DGLUCY: variants seen among roughly 807,000 people sequenced by gnomAD.
The protein encoded by DGLUCY is D-glutamate cyclase, mitochondrial.
A neutral mutation model predicts 58.5 loss-of-function variants in DGLUCY; 58 were observed. The observed-to-expected ratio is 0.99, with a 90% CI of 0.80 to 1.23. The LOEUF (loss-of-function observed/expected upper bound fraction) is 1.23. Ranked by LOEUF, DGLUCY falls within the 50% of genes most tolerant of loss-of-function variation. The pLI is 0.00. For synonymous variants in DGLUCY, 325 were observed against 314.1 expected (o/e 1.03, Z -0.37); for missense variants, 779 against 784.7 (o/e 0.99, Z 0.09).
At chr14:91,068,111 A>ACACACACACC (rs2043857642) in intron 1 of DGLUCY, among the ~76,000 whole-genome samples, 1 of 145,596 alleles carries the variant, frequency 6.9e-6, no homozygotes, top group Non-Finnish European at 1.5e-5. Context: ...ACACACACAC[A>ACACACACACC]CACACCCCTT....
intron 8 of DGLUCY, among the ~76,000 whole-genome samples, chr14:91,186,523 CA>C (rs2049535434): frequency 6.6e-6 from 1 of 152,256 alleles, no homozygotes; most frequent in Non-Finnish European, 1.5e-5. Flanking sequence ...CTCAGCCTCC[CA>C]AAGTGCTGGG....
intron 7 of DGLUCY, among the ~76,000 whole-genome samples, chr14:91,177,118 CTTCCCA>C (rs2048904326): frequency 1.3e-5 from 2 of 152,134 alleles, no homozygotes; most frequent in African/African-American, 4.8e-5. Flanking sequence ...CCCATCTCAG[CTTCCCA>C]GGTAGCTGGG....
chr14:91,180,009 A>C (rs1388158297), intron 7 of DGLUCY, among the ~76,000 whole-genome samples: 1 of 144,660 alleles, frequency 6.9e-6, no homozygotes, highest in Non-Finnish European at 1.5e-5. Flanking sequence ...CTCCCACCTC[A>C]GCCTCCCAAG....
At chr14:91,111,051 G>A (rs188441476), upstream of DGLUCY, among the ~76,000 whole-genome samples, 30 of 152,188 alleles carry the variant, frequency 2.0e-4, 1 homozygote, top group Middle Eastern at 0.027. Flanking sequence ...GTCTCAGTCT[G>A]TTAAGGCTGC....
At chr14:91,085,563 GT>G (rs869263434) in intron 1 of DGLUCY, among the ~76,000 whole-genome samples, 242 of 125,616 alleles carry the variant, frequency 1.9e-3, no homozygotes, top group South Asian at 5.9e-3. Context: ...TTTTTTTTTT[GT>G]TTTTTTTTTT....
At chr14:91,222,020 C>CT (rs1044056271) in intron 13 of DGLUCY, among the ~76,000 whole-genome samples, 1 of 152,214 alleles carries the variant, frequency 6.6e-6, no homozygotes, top group Admixed American at 6.5e-5. Context: ...CCTGGGGCCT[C>CT]TGTCCCCATC....
chr14:91,130,333 G>A (rs896495524), intron 1 of DGLUCY, among the ~76,000 whole-genome samples: 4 of 142,286 alleles, frequency 2.8e-5, no homozygotes, highest in Non-Finnish European at 6.1e-5. Context: ...ACAGAGTCTT[G>A]CTCTGTCAGG....
chr14:91,078,356 TTTAA>T (rs1168894165), intron 1 of DGLUCY, among the ~76,000 whole-genome samples: 1 of 152,234 alleles, frequency 6.6e-6, no homozygotes, highest in African/African-American at 2.4e-5. Flanking sequence ...AAAAACTGGA[TTTAA>T]TAACCTTGGC....
chr14:91,062,559 ATATATATATAT>A (rs1326254859), intron 1 of DGLUCY, among the ~76,000 whole-genome samples: 2 of 18,604 alleles, frequency 1.1e-4, no homozygotes, highest in African/African-American at 4.2e-4. Context: ...AAAAAAAAAA[ATATATATATAT>A]ATATATATAT....
At position 91,170,159 on chromosome 14, in the gene DGLUCY, C is replaced by T. The variant is rs1234729997; in HGVS notation, c.414C>T (p.Pro138=). Residue 138 remains proline (P), a synonymous_variant, in exon 5 of 14, where the codon CCC becomes CCT. Transcript: ENST00000256324. ...LEEALEKAGL[P]RRDPAGHSQA... ...AGGCCTTGGAGAAAGCGGGGCTCCC[C>T]AGAAGAGACCCAGCAGGTCACAGCC... 8 of 1,613,682 alleles carry T rather than the reference C, an allele frequency of 5.0e-6. No homozygotes were observed. Among genetic ancestry groups the T allele is most frequent in the Non-Finnish European group, 6.8e-6 (8 of 1,180,032 alleles).
upstream of DGLUCY, among the ~76,000 whole-genome samples, chr14:91,113,264 C>T (rs927528306): frequency 3.3e-5 from 5 of 152,170 alleles, no homozygotes; most frequent in Admixed American, 1.3e-4. Context: ...CGTGCCACTG[C>T]ACTCCGGCCT....
intron 1 of DGLUCY, among the ~76,000 whole-genome samples, chr14:91,100,070 A>G (rs566079899): frequency 1.7e-3 from 254 of 148,718 alleles, no homozygotes; most frequent in African/African-American, 4.9e-3. Flanking sequence ...AAAAAAAAAA[A>G]AAAAAGAAGA....
At chr14:91,167,170 G>A (rs562583891) in intron 3 of DGLUCY, 55 bp from the exon 4 acceptor site, 3 of 1,503,492 alleles carry the variant, frequency 2.0e-6, no homozygotes, top group Admixed American at 4.6e-5. Context: ...AAATCAGTAA[G>A]TGTCTGCCAA....
chr14:91,170,018 G>A lies in DGLUCY; in HGVS notation c.273G>A (p.Gln91=), dbSNP rs376028632. The A allele has an allele frequency of 2.0e-4, 315 of 1,612,116 alleles. 2 individuals are homozygous for A. Among genetic ancestry groups the A allele is most frequent in the Non-Finnish European group, 2.5e-4 (299 of 1,180,028 alleles). ...AISETRMGHP[Q]FWKYEFGACT... is the part of the protein sequence containing the mutation. ...ATGTCCCCAGGATGGGCCATCCCCA[G>A]TTCTGGAAATACGAGTTCGGTGCCT... The change falls in exon 5 of 14, where the codon CAG becomes CAA. Residue 91 remains glutamine (Q), a synonymous_variant. Transcript: ENST00000256324.
chr14:91,060,719 C>T (rs2140003271), intron 1 of DGLUCY: 1 of 307,562 alleles, frequency 3.3e-6, no homozygotes, highest in East Asian at 5.0e-5. Flanking sequence ...GGGAGCCATT[C>T]GAGCCGCCTT....
intron 4 of DGLUCY, 170 bp downstream of exon 4, chr14:91,167,548 C>A: frequency 1.2e-6 from 1 of 852,580 alleles, no homozygotes; most frequent in Non-Finnish European, 1.9e-6. Context: ...CCCCACTGTT[C>A]TGACTCCTTC....
At chr14:91,157,222 G>GATGGATGGATGA (rs1222217616) in intron 1 of DGLUCY, among the ~76,000 whole-genome samples, 16,365 of 143,640 alleles carry the variant, frequency 0.11, 2,084 homozygotes, top group African/African-American at 0.31. Context: ...TGGGTGGATG[G>GATGGATGGATGA]ATGGATGGGT....
intron 1 of DGLUCY, among the ~76,000 whole-genome samples, chr14:91,066,587 T>A (rs1050195552): frequency 2.0e-5 from 3 of 151,830 alleles, no homozygotes; most frequent in African/African-American, 7.3e-5. Flanking sequence ...AGCCCAGGAG[T>A]TCTTGAATCC....
chr14:91,164,694 T>C (rs1024438605), intron 3 of DGLUCY, among the ~76,000 whole-genome samples: 5 of 152,170 alleles, frequency 3.3e-5, no homozygotes, highest in African/African-American at 1.2e-4. Context: ...AGTCTCTCTC[T>C]CTCTCTGTCT....
Sources: allele counts gnomAD v4.1 joint callset (sites outside exome capture counted in the v4.1 genomes callset), GRCh38; gene constraint gnomAD v4.1.1; transcripts MANE v1.5; gene names NCBI Gene and HGNC (gene_info 2026-07-23, HGNC 2026-07-21).